The following SLC4A10 variants were observed in gnomAD, a reference collection of about 807,000 sequenced individuals.
SLC4A10 encodes solute carrier family 4 member 10, also known as sodium-driven chloride bicarbonate exchanger.
A neutral mutation model predicts 137.7 loss-of-function variants in SLC4A10; 42 were observed. The ratio of observed to expected loss-of-function variants is 0.30; its 90% CI spans 0.24 to 0.39. SLC4A10 has a LOEUF of 0.39. Ranked by LOEUF, SLC4A10 falls within the 10% of genes least tolerant of loss-of-function variation. The pLI, the probability that SLC4A10 is intolerant of heterozygous loss-of-function variation, is 1.00. For synonymous variants in SLC4A10, 474 were observed against 464.1 expected (o/e 1.02, Z -0.27); for missense variants, 925 against 1,355.0 (o/e 0.68, Z 4.98).
intron 15 of SLC4A10, among the ~76,000 whole-genome samples, chr2:161,938,953 A>G (rs1559580178): frequency 6.6e-6 from 1 of 152,286 alleles, no homozygotes; most frequent in East Asian, 1.9e-4. Context: ...AAAATTTTTT[A>G]AAATTATTTT....
intron 21 of SLC4A10, among the ~76,000 whole-genome samples, chr2:161,962,285 A>G (rs1353995253): frequency 6.6e-6 from 1 of 152,190 alleles, no homozygotes; most frequent in Admixed American, 6.5e-5. Flanking sequence ...TCATTCCAAC[A>G]CTTCAGGAAT....
At chr2:161,814,666 A>G (rs2056878986) in intron 3 of SLC4A10, among the ~76,000 whole-genome samples, 1 of 152,210 alleles carries the variant, frequency 6.6e-6, no homozygotes, top group East Asian at 1.9e-4. Flanking sequence ...TAATGCAGGA[A>G]CAGAAAACCA....
At chr2:161,752,698 G>A (rs1410433692) in intron 1 of SLC4A10, among the ~76,000 whole-genome samples, 1 of 152,134 alleles carries the variant, frequency 6.6e-6, no homozygotes, top group African/African-American at 2.4e-5. Context: ...ATTATGTTAA[G>A]TGAACTAAGC....
intron 1 of SLC4A10, among the ~76,000 whole-genome samples, chr2:161,636,472 G>A (rs968421862): frequency 4.9e-4 from 74 of 152,058 alleles, no homozygotes; most frequent in African/African-American, 1.8e-3. Flanking sequence ...TCAGCTCACT[G>A]CAACCTCCAA....
At chr2:161,738,593 C>A (rs1470298013) in intron 1 of SLC4A10, among the ~76,000 whole-genome samples, 2 of 152,170 alleles carry the variant, frequency 1.3e-5, no homozygotes, top group African/African-American at 4.8e-5. Context: ...GGTTACAGTT[C>A]ACTATGTATG....
In SLC4A10 at chr2:161,839,777, C is replaced by CT. The variant is rs536235385; in HGVS notation, c.278-11dup. ...TACATGTTCATGGTAATACATGTCTCTGATTTTTTAGACACCCCATCACAG... is the reference window on the plus strand; with the variant it reads ...TACATGTTCATGGTAATACATGTCTCTTGATTTTTTAGACACCCCATCACAG... On this transcript the variant is annotated splice_polypyrimidine_tract_variant and intron_variant, in intron 3 of 26. Coordinates refer to ENST00000446997, the MANE Select transcript of SLC4A10 (RefSeq NM_001178015.2). The CT allele has an allele frequency of 1.5e-4, 240 of 1,613,140 alleles. No individual in the cohort carries two copies. The highest frequency in any genetic ancestry group is 1.8e-4 in the Non-Finnish European group (214 of 1,179,538).
intron 12 of SLC4A10, among the ~76,000 whole-genome samples, chr2:161,902,962 C>T (rs1354755403): frequency 2.0e-5 from 3 of 152,040 alleles, no homozygotes; most frequent in African/African-American, 7.2e-5. Context: ...GATTTTTCAC[C>T]ACTGACATTA....
intron 21 of SLC4A10, 50 bp downstream of exon 21, chr2:161,958,605 G>A (rs1296338512): frequency 1.4e-6 from 2 of 1,382,800 alleles, no homozygotes; most frequent in Non-Finnish European, 2.0e-6. Context: ...TGACCTTAAG[G>A]TCTACTGATA....
chr2:161,716,368 A>G (rs1267274988), intron 1 of SLC4A10, among the ~76,000 whole-genome samples: 3 of 151,854 alleles, frequency 2.0e-5, no homozygotes, highest in Admixed American at 1.3e-4. Context: ...CTTTTGTTGC[A>G]ATTGCTTTTG....
At chr2:161,699,967 A>G (rs1559060443) in intron 1 of SLC4A10, among the ~76,000 whole-genome samples, 1 of 152,196 alleles carries the variant, frequency 6.6e-6, no homozygotes, top group Non-Finnish European at 1.5e-5. Context: ...CACTATATTG[A>G]TAGGGAAACT....
chr2:161,749,217 C>T, intron 1 of SLC4A10, among the ~76,000 whole-genome samples: 1 of 151,964 alleles, frequency 6.6e-6, no homozygotes, highest in East Asian at 1.9e-4. Context: ...ATTATGTCAT[C>T]TATAAACAGG....
chr2:161,676,967 A>G (rs966294635), intron 1 of SLC4A10, among the ~76,000 whole-genome samples: 1 of 152,146 alleles, frequency 6.6e-6, no homozygotes, highest in Non-Finnish European at 1.5e-5. Flanking sequence ...TACACAAATT[A>G]AGATATATAT....
At chr2:161,725,057 A>G (rs1462712746) in intron 1 of SLC4A10, among the ~76,000 whole-genome samples, 1 of 152,200 alleles carries the variant, frequency 6.6e-6, no homozygotes, top group Non-Finnish European at 1.5e-5. Context: ...TTGTTGAATA[A>G]GAAAATGAAG....
At chr2:161,813,795 C>A (rs1433184387) in intron 3 of SLC4A10, among the ~76,000 whole-genome samples, 1 of 152,062 alleles carries the variant, frequency 6.6e-6, no homozygotes, top group Non-Finnish European at 1.5e-5. Flanking sequence ...TTATTTTTCC[C>A]TAACTGGAGG....
At chr2:161,670,286 C>A (rs2105780076) in intron 1 of SLC4A10, among the ~76,000 whole-genome samples, 1 of 133,824 alleles carries the variant, frequency 7.5e-6, no homozygotes, top group African/African-American at 2.7e-5. Flanking sequence ...TTCTTCTCTT[C>A]CTCCCTTTCA....
rs369926636 is a variant in SLC4A10 at position 161,753,487 on chromosome 2, C to T, written c.49-17486C>T. Among the ~76,000 whole-genome samples, 59 of 152,318 alleles carry T rather than the reference C, an allele frequency of 3.9e-4. No individual in the cohort carries two copies. In the South Asian group the frequency reaches 5.6e-3, roughly 14 times the overall value. On this transcript the variant is annotated intron_variant, in intron 1 of 26. Transcript: ENST00000446997. Reference sequence around the variant, plus strand: ...TCAAAGTTCAAATTCTGCTTCTCCACTTACTGGTTCTATAACCTTGAGCAA... The same window carrying T: ...TCAAAGTTCAAATTCTGCTTCTCCATTTACTGGTTCTATAACCTTGAGCAA...
intron 5 of SLC4A10, among the ~76,000 whole-genome samples, chr2:161,855,359 T>C (rs1293187254): frequency 2.0e-5 from 3 of 152,122 alleles, no homozygotes; most frequent in African/African-American, 7.2e-5. Flanking sequence ...AGAACCTAGA[T>C]ATCTTGATTC....
intron 23 of SLC4A10, among the ~76,000 whole-genome samples, chr2:161,972,376 G>A (rs1045842936): frequency 6.6e-6 from 1 of 152,112 alleles, no homozygotes; most frequent in Non-Finnish European, 1.5e-5. Context: ...TATTATGCAT[G>A]TAATATATTT....
rs566311390 is a variant in SLC4A10 at position 161,718,335 on chromosome 2, A to G, written c.49-52638A>G. ...TCTTGCTTATTTCTTGTCTTCTGCT[A>G]GCTTTGGGGTTTGTTTGCTCTTGGT... On this transcript the variant is annotated intron_variant, in intron 1 of 26. Coordinates refer to ENST00000446997, the MANE Select transcript of SLC4A10 (RefSeq NM_001178015.2). Among the ~76,000 whole-genome samples the G allele has an allele frequency of 2.6e-5, 4 of 151,904 alleles. No homozygotes were observed. In the East Asian group the frequency reaches 7.8e-4, roughly 29 times the overall value.
Sources: allele counts gnomAD v4.1 joint callset (sites outside exome capture counted in the v4.1 genomes callset), GRCh38; gene constraint gnomAD v4.1.1; transcripts MANE v1.5; gene names NCBI Gene and HGNC (gene_info 2026-07-23, HGNC 2026-07-21).